PIK3C2G: variants seen among roughly 807,000 people sequenced by gnomAD.
The protein encoded by PIK3C2G is phosphatidylinositol 3-kinase C2 domain-containing subunit gamma.
PIK3C2G carries 168 observed loss-of-function variants against 181.1 expected under a neutral mutation model. The ratio of observed to expected loss-of-function variants is 0.93; its 90% CI spans 0.82 to 1.05. The LOEUF is 1.05. PIK3C2G is among the 50% of genes least tolerant of loss of function. The probability of loss-of-function intolerance (pLI) is 0.00; values close to 1 mark genes in which losing one functional copy is unlikely to be tolerated. For missense variants in PIK3C2G, 1,869 were observed against 1,732.8 expected, an observed-to-expected ratio of 1.08 and a Z score of -1.40; for synonymous variants, 573 against 592.2, an observed-to-expected ratio of 0.97 and a Z score of 0.47.
chr12:18,369,490 CAT>C (rs1295246933), intron 12 of PIK3C2G, among the ~76,000 whole-genome samples: 3 of 134,724 alleles, frequency 2.2e-5, no homozygotes, highest in African/African-American at 5.6e-5. Context: ...GTATAATTGA[CAT>C]ATGATCATAT....
chr12:18,373,182 C>A (rs1195744450), intron 13 of PIK3C2G, among the ~76,000 whole-genome samples: 1 of 152,176 alleles, frequency 6.6e-6, no homozygotes, highest in Admixed American at 6.5e-5. Flanking sequence ...TACAAAGATT[C>A]TAACCCAGTT....
the PIK3C2G span, among the ~76,000 whole-genome samples, chr12:18,664,768 C>T: frequency 3.3e-5 from 5 of 151,330 alleles, 1 homozygote; most frequent in South Asian, 6.3e-4. Context: ...AAATGTCCAA[C>T]AATGATAGAC....
chr12:18,715,285 G>T, the PIK3C2G span, among the ~76,000 whole-genome samples: 1 of 150,516 alleles, frequency 6.6e-6, no homozygotes, highest in Non-Finnish European at 1.5e-5. Context: ...GAGGAAGTAA[G>T]GCTTTAGAGA....
chr12:18,633,935 A>T (rs906048270), intron 31 of PIK3C2G, among the ~76,000 whole-genome samples: 1 of 152,160 alleles, frequency 6.6e-6, no homozygotes, highest in African/African-American at 2.4e-5. Context: ...CACTGGGCAT[A>T]ATAGTGTGTG....
the PIK3C2G span, among the ~76,000 whole-genome samples, chr12:18,663,064 G>A: frequency 2.0e-5 from 3 of 151,942 alleles, no homozygotes; most frequent in African/African-American, 7.2e-5. Context: ...GACATAGATG[G>A]AAAACTACCT....
intron 18 of PIK3C2G, among the ~76,000 whole-genome samples, chr12:18,476,244 A>C (rs1172598728): frequency 6.6e-6 from 1 of 152,178 alleles, no homozygotes; most frequent in African/African-American, 2.4e-5. Flanking sequence ...GTATAGAAGC[A>C]TCATTTCAGA....
intron 31 of PIK3C2G, among the ~76,000 whole-genome samples, chr12:18,631,456 A>C (rs796965883): frequency 3.3e-5 from 5 of 152,284 alleles, no homozygotes; most frequent in African/African-American, 1.2e-4. Flanking sequence ...GCTCTATACA[A>C]ATGGATTTTC....
chr12:18,538,899 C>T (rs550844342), intron 25 of PIK3C2G, among the ~76,000 whole-genome samples: 9 of 152,026 alleles, frequency 5.9e-5, no homozygotes, highest in African/African-American at 2.2e-4. Context: ...TTCCACTGTT[C>T]ACTTTAAAGA....
chr12:18,604,785 C>T (rs1341111928), intron 30 of PIK3C2G, among the ~76,000 whole-genome samples: 9 of 152,134 alleles, frequency 5.9e-5, no homozygotes, highest in Non-Finnish European at 8.8e-5. Context: ...ATAACCTGCT[C>T]CTGAATGAGT....
chr12:18,299,781 TTGAGA>T (rs1950100820), intron 5 of PIK3C2G, among the ~76,000 whole-genome samples: 1 of 152,020 alleles, frequency 6.6e-6, no homozygotes, highest in Non-Finnish European at 1.5e-5. Context: ...TCTGTACCTA[TTGAGA>T]TGAGCATTTG....
At chr12:18,682,925 T>C in the PIK3C2G span, among the ~76,000 whole-genome samples, 1 of 152,068 alleles carries the variant, frequency 6.6e-6, no homozygotes, top group Non-Finnish European at 1.5e-5. Flanking sequence ...GTATATTTTA[T>C]AATTAGATGT....
rs924343828 is a variant in PIK3C2G at position 18,346,709 on chromosome 12, A to C, written c.1498A>C (p.Ser500Arg). 6.2e-7 allele frequency: 1 copy of C among 1,613,332 alleles called. No homozygotes were observed. Among genetic ancestry groups the C allele is most frequent in the South Asian group, 1.1e-5 (1 of 91,080 alleles). The stretch of plus-strand genomic sequence containing the variant: ...CCAGCTAATCAATGTCTACTGTAAC[A>C]GCTTTTATGCAGATTTTCAGCCTGT... ...IYQLINVYCN[S>R]FYADFQPVNV... Residue 500 changes from serine to arginine, a missense_variant, in exon 11 of 33, where the codon AGC becomes CGC. Coordinates refer to ENST00000538779, the MANE Select transcript of PIK3C2G (RefSeq NM_001288772.2).
rs76420774 is a variant in PIK3C2G, at chr12:18,460,859, C to A, written c.2505-27590C>A. ...AGGGTAAAATCCCAGATCTCTCACTCATTATTTACATCACCTTACACTTTC... is the reference window on the plus strand; with the variant it reads ...AGGGTAAAATCCCAGATCTCTCACTAATTATTTACATCACCTTACACTTTC... On this transcript the variant is annotated intron_variant, in intron 18 of 32. Coordinates refer to ENST00000538779, the MANE Select transcript of PIK3C2G (RefSeq NM_001288772.2). Among the ~76,000 whole-genome samples, 1,412 of 152,068 alleles carry A rather than the reference C, an allele frequency of 9.3e-3. 18 individuals carry two copies. The highest frequency in any genetic ancestry group is 0.032 in the African/African-American group (1,344 of 41,452).
chr12:18,615,770 G>A (rs1479727628), intron 31 of PIK3C2G, among the ~76,000 whole-genome samples: 2 of 151,952 alleles, frequency 1.3e-5, no homozygotes, highest in Non-Finnish European at 2.9e-5. Context: ...TTGATTGGCT[G>A]CTATAATATT....
At chr12:18,472,409 C>T (rs1938543775) in intron 18 of PIK3C2G, among the ~76,000 whole-genome samples, 2 of 152,138 alleles carry the variant, frequency 1.3e-5, no homozygotes, top group South Asian at 4.1e-4. Flanking sequence ...TGTTATATCA[C>T]ATTTTTAACT....
intron 31 of PIK3C2G, among the ~76,000 whole-genome samples, chr12:18,631,345 A>G (rs946785090): frequency 6.6e-6 from 1 of 152,198 alleles, no homozygotes; most frequent in Non-Finnish European, 1.5e-5. Flanking sequence ...GTGCTGTTCT[A>G]TCATTCTAAA....
the PIK3C2G span, chr12:18,712,986 A>T: frequency 1.2e-6 from 2 of 1,613,934 alleles, no homozygotes; most frequent in South Asian, 1.1e-5. Context: ...TCACAAGGGC[A>T]CTAGCAAAAT....
intron 32 of PIK3C2G, among the ~76,000 whole-genome samples, chr12:18,645,461 G>C (rs1950076322): frequency 6.6e-6 from 1 of 152,092 alleles, no homozygotes; most frequent in Non-Finnish European, 1.5e-5. Flanking sequence ...AACTTTGGAA[G>C]TTCAAATGTT....
chr12:18,624,103 T>C (rs1157621326), intron 31 of PIK3C2G, among the ~76,000 whole-genome samples: 1 of 151,764 alleles, frequency 6.6e-6, no homozygotes, highest in Non-Finnish European at 1.5e-5. Flanking sequence ...GGCATCCTTT[T>C]CCTGCTCTAG....
Sources: allele counts gnomAD v4.1 joint callset (sites outside exome capture counted in the v4.1 genomes callset), GRCh38; gene constraint gnomAD v4.1.1; transcripts MANE v1.5; gene names NCBI Gene and HGNC (gene_info 2026-07-23, HGNC 2026-07-21).